C2orf66: variants seen among roughly 807,000 people sequenced by gnomAD.
C2orf66 encodes the protein chromosome 2 open reading frame 66.
Under a neutral mutation model 7.0 loss-of-function variants are expected in C2orf66, and 6 were observed. That is an observed-to-expected ratio of 0.86 (90% CI 0.47 to 1.69). C2orf66 has a LOEUF of 1.69. C2orf66 is among the 40% of genes most tolerant of loss of function. The pLI is 0.01. For synonymous variants in C2orf66, 38 were observed against 43.8 expected (o/e 0.87, Z 0.52); for missense variants, 107 against 112.0 (o/e 0.96, Z 0.20).
At chr2:196,818,053 G>A in the C2orf66 span, among the ~76,000 whole-genome samples, 6 of 152,198 alleles carry the variant, frequency 3.9e-5, no homozygotes, top group Non-Finnish European at 7.4e-5. Flanking sequence ...AAGATAACAG[G>A]ATTAAGAGAT....
upstream of C2orf66, among the ~76,000 whole-genome samples, chr2:196,814,257 T>C (rs977657688): frequency 2.0e-5 from 3 of 152,042 alleles, no homozygotes; most frequent in African/African-American, 7.2e-5. Flanking sequence ...AAAGGATGAG[T>C]TCATGTCCTT....
At chr2:196,806,966 G>A (rs186564442) in intron 2 of C2orf66, among the ~76,000 whole-genome samples, 32 of 152,230 alleles carry the variant, frequency 2.1e-4, no homozygotes, top group African/African-American at 6.0e-4. Flanking sequence ...TATAGGTGAG[G>A]AAGTTCAAGC....
At chr2:196,831,339 T>C in the C2orf66 span, among the ~76,000 whole-genome samples, 28 of 152,162 alleles carry the variant, frequency 1.8e-4, no homozygotes, top group Non-Finnish European at 1.5e-4. Flanking sequence ...ACTCTACTCA[T>C]AGTCCAATTT....
chr2:196,817,230 CTT>C, the C2orf66 span, among the ~76,000 whole-genome samples: 3 of 111,698 alleles, frequency 2.7e-5, no homozygotes, highest in Non-Finnish European at 3.6e-5. Flanking sequence ...CAAGTATTGT[CTT>C]TTTTTTTTTT....
At chr2:196,831,682 G>A in the C2orf66 span, among the ~76,000 whole-genome samples, 3 of 152,096 alleles carry the variant, frequency 2.0e-5, no homozygotes, top group Admixed American at 6.5e-5. Context: ...TTGGGCGTCC[G>A]GTGGGCAGGC....
the C2orf66 span, among the ~76,000 whole-genome samples, chr2:196,824,833 A>G: frequency 1.3e-5 from 2 of 152,240 alleles, no homozygotes; most frequent in African/African-American, 4.8e-5. Context: ...GAGACAACCT[A>G]CAGAATGGGA....
At position 196,807,587 on chromosome 2, in the gene C2orf66, T is replaced by G. The variant is rs1232659314; in HGVS notation, c.159A>C (p.Arg53Ser). Residue 53 changes from arginine to serine, a missense_variant, in exon 2 of 3, where the codon AGA (arginine) becomes AGC (serine). Arg to Ser is a moderately radical substitution (Grantham distance 110). Transcript: ENST00000342506. ...FRRLQAYFKGRGLDLGTFPNP... is the reference protein window; with the variant it reads ...FRRLQAYFKGSGLDLGTFPNP... ...TTGGAAATGTTCCAAGATCAAGACC[T>G]CTGCCCTTAAAATATGCCTGAAGCC... 1.2e-6 allele frequency: 2 copies of G among 1,613,332 alleles called. No homozygotes were observed. The highest frequency in any genetic ancestry group is 1.7e-6 in the Non-Finnish European group (2 of 1,179,814).
chr2:196,807,448 C>T lies in C2orf66; in HGVS notation c.298G>A (p.Gly100Ser). The T allele has an allele frequency of 6.2e-7, 1 of 1,607,768 alleles. No individual in the cohort carries two copies. The highest frequency in any genetic ancestry group is 8.5e-7 in the Non-Finnish European group (1 of 1,178,388). ...CCTGAGCTCAGAAGAAACTTTCAGCCTTTGAGATAATTGTGAAAGGAGTTT... is the reference window on the plus strand; with the variant it reads ...CCTGAGCTCAGAAGAAACTTTCAGCTTTTGAGATAATTGTGAAAGGAGTTT... ...QKNSFHNYLK[G>S] Residue 100 changes from glycine (G) to serine (S), a missense_variant, in exon 2 of 3, where the codon GGC becomes AGC. Transcript: ENST00000342506.
the C2orf66 span, among the ~76,000 whole-genome samples, chr2:196,828,448 C>T: frequency 1.3e-5 from 2 of 152,134 alleles, no homozygotes; most frequent in African/African-American, 2.4e-5. Flanking sequence ...TTCCATGTCA[C>T]GTGTAGCATG....
At chr2:196,822,160 G>A in the C2orf66 span, among the ~76,000 whole-genome samples, 1 of 151,538 alleles carries the variant, frequency 6.6e-6, no homozygotes, top group South Asian at 2.1e-4. Context: ...AAATCTGCCC[G>A]CCTTGGCCTC....
chr2:196,808,135 A>C (rs931888774), intron 1 of C2orf66, among the ~76,000 whole-genome samples: 8 of 152,196 alleles, frequency 5.3e-5, no homozygotes, highest in African/African-American at 1.9e-4. Flanking sequence ...TTGCCCAGAA[A>C]AGAATTTAAG....
chr2:196,824,988 C>T, the C2orf66 span, among the ~76,000 whole-genome samples: 1 of 152,114 alleles, frequency 6.6e-6, no homozygotes, highest in Admixed American at 6.5e-5. Context: ...AATCCCAGCA[C>T]TTTGGGAGGC....
Position 196,807,607 on chromosome 2 carries a change from G to C in C2orf66, c.139C>G (p.Gln47Glu). Residue 47 changes from glutamine (Q) to glutamate (E), a missense_variant, in exon 2 of 3, where the codon CAG becomes GAG. Gln to Glu is a conservative substitution (Grantham distance 29). Transcript: ENST00000342506. The part of the protein sequence containing the change: ...RNRDLFFRRL[Q>E]AYFKGRGLDL... ...AGACCTCTGCCCTTAAAATATGCCT[G>C]AAGCCTTCTGAAAAACTAAAGAGAG... 1.9e-6 allele frequency: 3 copies of C among 1,607,610 alleles called. No homozygotes were observed. The highest frequency in any genetic ancestry group is 2.5e-6 in the Non-Finnish European group (3 of 1,178,510).
chr2:196,810,318 T>C (rs1351697786), upstream of C2orf66: 7 of 152,246 alleles, frequency 4.6e-5, no homozygotes, highest in African/African-American at 1.2e-4. Context: ...TTTGGAGATA[T>C]GACTTTTTCA....
chr2:196,829,789 C>T, the C2orf66 span, among the ~76,000 whole-genome samples: 6 of 151,668 alleles, frequency 4.0e-5, no homozygotes, highest in East Asian at 1.9e-4. Flanking sequence ...CCCAGCTACT[C>T]GGGAGGCTGA....
upstream of C2orf66, among the ~76,000 whole-genome samples, chr2:196,813,629 C>T (rs184843247): frequency 2.9e-4 from 44 of 152,220 alleles, no homozygotes; most frequent in East Asian, 8.3e-3. Context: ...ACTGTCAACA[C>T]AGTGAACAGG....
the C2orf66 span, among the ~76,000 whole-genome samples, chr2:196,827,734 C>T: frequency 6.6e-6 from 1 of 152,178 alleles, no homozygotes; most frequent in African/African-American, 2.4e-5. Context: ...AAAGTTCTTT[C>T]TTAATCAGAA....
chr2:196,805,471 A>AC (rs1699810247), intron 2 of C2orf66, 63 bp from the exon 3 acceptor site: 1 of 151,916 alleles, frequency 6.6e-6, no homozygotes, highest in East Asian at 1.9e-4. Context: ...CAACACAAAG[A>AC]CCCCCAAATC....
chr2:196,827,032 A>AAAAACAAAACAAAACAAAAC, the C2orf66 span, among the ~76,000 whole-genome samples: 460 of 151,018 alleles, frequency 3.0e-3, 3 homozygotes, highest in African/African-American at 0.011. Context: ...ACTCTGTCTC[A>AAAAACAAAACAAAACAAAAC]AAAACAAAAC....
Sources: gnomAD v4.1 joint callset for allele counts (sites outside exome capture counted in the v4.1 genomes callset) on GRCh38, gnomAD v4.1.1 for gene constraint, MANE v1.5 for transcripts, NCBI Gene and HGNC (gene_info 2026-07-23, HGNC 2026-07-21) for gene names.